TERF1: variants seen among roughly 807,000 people sequenced by gnomAD.
The protein encoded by TERF1 is telomeric repeat-binding factor 1.
In TERF1, 20 loss-of-function variants were observed where a neutral mutation model predicts 55.1. That is an observed-to-expected ratio of 0.36 (90% confidence interval 0.26 to 0.53). TERF1 has a LOEUF of 0.53. TERF1 is among the 20% of genes least tolerant of loss of function. The probability of loss-of-function intolerance (pLI) is 0.91; values close to 1 mark genes in which losing one functional copy is unlikely to be tolerated. For missense variants in TERF1, 439 were observed against 535.7 expected (o/e 0.82, Z 1.78); for synonymous variants, 168 against 181.2 (o/e 0.93, Z 0.59).
chr8:73,027,898 G>C (rs964914511), intron 6 of TERF1, among the ~76,000 whole-genome samples: 7 of 152,160 alleles, frequency 4.6e-5, no homozygotes, highest in African/African-American at 1.7e-4. Flanking sequence ...TTAGGACTGA[G>C]GTTCTGTCAT....
intron 2 of TERF1, among the ~76,000 whole-genome samples, chr8:73,015,531 G>A (rs530381610): frequency 1.3e-5 from 2 of 151,972 alleles, no homozygotes; most frequent in South Asian, 4.2e-4. Flanking sequence ...GCGAGACCCT[G>A]TCTCTACAAA....
intron 3 of TERF1, among the ~76,000 whole-genome samples, chr8:73,021,033 G>A (rs1212468936): frequency 6.6e-6 from 1 of 151,892 alleles, no homozygotes; most frequent in Non-Finnish European, 1.5e-5. Flanking sequence ...AAAAACCAGG[G>A]GTTTGTGCAC....
At chr8:73,037,187 AAT>A (rs1479304902) in intron 8 of TERF1, among the ~76,000 whole-genome samples, 3 of 129,292 alleles carry the variant, frequency 2.3e-5, no homozygotes, top group Admixed American at 9.1e-5. Flanking sequence ...ATAATATAAT[AAT>A]ATATATTATA....
chr8:73,009,484 A>G, intron 1 of TERF1: 1 of 428,576 alleles, frequency 2.3e-6, no homozygotes, highest in Non-Finnish European at 4.2e-6. Context: ...ATACAGTTCC[A>G]CTCAACCCAG....
intron 2 of TERF1, among the ~76,000 whole-genome samples, chr8:73,017,092 T>C (rs889380902): frequency 6.6e-6 from 1 of 152,222 alleles, no homozygotes; most frequent in Admixed American, 6.5e-5. Context: ...TGGAAGTGAA[T>C]GTCTATACTG....
chr8:73,022,337 A>G, intron 4 of TERF1, 35 bp downstream of exon 4: 1 of 1,364,550 alleles, frequency 7.3e-7, no homozygotes. Context: ...GAATTTTAGA[A>G]GTGTTTATGT....
Position 73,046,011 on chromosome 8 carries a change from T to C in TERF1, c.1194T>C (p.Tyr398=), listed in dbSNP as rs761741602. 3 of 1,607,192 alleles carry C rather than the reference T, an allele frequency of 1.9e-6. No individual in the cohort carries two copies. Among genetic ancestry groups the C allele is most frequent in the Non-Finnish European group, 2.5e-6 (3 of 1,177,364 alleles). The stretch of plus-strand genomic sequence containing the variant: ...ATTTGAGATCTGGCGTGAGGAAATA[T>C]GGAGAGGGAAACTGGTCTAAAATAC... ...DKNLRSGVRK[Y]GEGNWSKILL... The change falls in exon 10 of 10, where the codon TAT becomes TAC. Residue 398 remains tyrosine, a synonymous_variant. Transcript: ENST00000276603.
rs1453674181 is a variant in TERF1 at position 73,009,221 on chromosome 8, G to A, written c.319+16G>A. On this transcript the variant is annotated intron_variant, in intron 1 of 9. Transcript: ENST00000276603. ...AGCGCAGAGGGTGAGTGCAGACCGC[G>A]TCCGGGCCGGGACTACGCGGGGGGC... The A allele has an allele frequency of 1.2e-6, 2 of 1,601,172 alleles. No individual in the cohort carries two copies. The highest frequency in any genetic ancestry group is 1.7e-6 in the Non-Finnish European group (2 of 1,174,968).
At chr8:73,037,851 A>AATATATAAATATGATATATAAT (rs1422278942) in intron 8 of TERF1, among the ~76,000 whole-genome samples, 5,333 of 102,858 alleles carry the variant, frequency 0.052, 292 homozygotes, top group Non-Finnish European at 0.075. Flanking sequence ...TATAATATAT[A>AATATATAAATATGATATATAAT]ATATATAAAT....
At chr8:73,032,018 A>G in intron 7 of TERF1, 24 bp from the exon 8 acceptor site, 1 of 1,558,922 alleles carries the variant, frequency 6.4e-7, no homozygotes, top group Non-Finnish European at 8.8e-7. Context: ...GGAGCCAATT[A>G]CAAACTTTCC....
intron 9 of TERF1, among the ~76,000 whole-genome samples, chr8:73,042,158 A>ATCTCT (rs1203598776): frequency 1.3e-5 from 2 of 152,312 alleles, no homozygotes; most frequent in East Asian, 3.9e-4. Context: ...GGAAACCAGA[A>ATCTCT]GTCTCTGTCT....
At chr8:73,039,034 T>C in intron 8 of TERF1, 82 bp from the exon 9 acceptor site, 3 of 1,020,416 alleles carry the variant, frequency 2.9e-6, no homozygotes, top group Non-Finnish European at 4.2e-6. Flanking sequence ...GAAAAGGAAT[T>C]TCATTATAAT....
intron 7 of TERF1, chr8:73,031,532 A>C (rs1809284132): frequency 6.6e-6 from 1 of 152,236 alleles, no homozygotes; most frequent in Admixed American, 6.5e-5. Flanking sequence ...TTAATATAAT[A>C]CCAATTTGGC....
intron 2 of TERF1, among the ~76,000 whole-genome samples, chr8:73,017,198 T>A (rs1331318834): frequency 6.6e-6 from 1 of 152,148 alleles, no homozygotes; most frequent in Non-Finnish European, 1.5e-5. Context: ...GTAATGTCAG[T>A]CAAGAAATAC....
intron 8 of TERF1, among the ~76,000 whole-genome samples, chr8:73,037,612 A>T (rs1160806390): frequency 9.7e-6 from 1 of 102,692 alleles, no homozygotes; most frequent in Admixed American, 1.7e-4. Context: ...TAAATTTATT[A>T]TATATATTAT....
At chr8:73,019,466 C>A (rs1341372429) in intron 2 of TERF1, among the ~76,000 whole-genome samples, 1 of 152,156 alleles carries the variant, frequency 6.6e-6, no homozygotes, top group Non-Finnish European at 1.5e-5. Flanking sequence ...AAAATAAGTT[C>A]CAAAACAGAC....
intron 2 of TERF1, among the ~76,000 whole-genome samples, chr8:73,015,711 C>G (rs916708531): frequency 6.6e-6 from 1 of 151,986 alleles, no homozygotes; most frequent in South Asian, 2.1e-4. Flanking sequence ...AAGTTAACCA[C>G]GTGTGGTCCT....
At chr8:73,030,969 C>A (rs1586052465) in intron 7 of TERF1, 1 of 152,276 alleles carries the variant, frequency 6.6e-6, no homozygotes, top group Middle Eastern at 3.4e-3. Flanking sequence ...TATGAATTGT[C>A]TGTGAGAACA....
At chr8:73,035,983 GTGACTTAA>G (rs1809490848) in intron 8 of TERF1, among the ~76,000 whole-genome samples, 1 of 152,228 alleles carries the variant, frequency 6.6e-6, no homozygotes, top group African/African-American at 2.4e-5. Flanking sequence ...ACAAGACTTA[GTGACTTAA>G]TGAGTTAGAG....
Sources: gnomAD v4.1 joint callset for allele counts (sites outside exome capture counted in the v4.1 genomes callset) on GRCh38, gnomAD v4.1.1 for gene constraint, MANE v1.5 for transcripts, NCBI Gene and HGNC (gene_info 2026-07-23, HGNC 2026-07-21) for gene names.